Variants in FAR2 observed in about 807,000 individuals in gnomAD.
FAR2 encodes the protein epididymis secretory protein Li 81.
Under a neutral mutation model 56.0 loss-of-function variants are expected in FAR2, and 19 were observed. That is an observed-to-expected ratio of 0.34 (90% CI 0.24 to 0.50). The LOEUF (loss-of-function observed/expected upper bound fraction) is 0.50, where lower values mean the gene tolerates loss of function less well. FAR2 is among the 20% of genes least tolerant of loss of function. The probability of loss-of-function intolerance (pLI) is 0.98; values close to 1 mark genes in which losing one functional copy is unlikely to be tolerated. For synonymous variants in FAR2, 219 were observed against 218.8 expected (o/e 1.00, Z -0.01); for missense variants, 508 against 642.2 (o/e 0.79, Z 2.26).
rs55827253 is a variant in FAR2 at position 29,174,423 on chromosome 12, C to CTTTTT, written c.-39+25041_-39+25045dup. On this transcript the variant is annotated intron_variant, in intron 1 of 11. Coordinates refer to ENST00000536681, the MANE Select transcript of FAR2 (RefSeq NM_001271783.2). ...CCAGAGACAGGGAGTGGTTTTTATT[C>CTTTTT]TTTTTTTTTTTTTTTTTTTTTTTTT... Among the ~76,000 whole-genome samples, 112 of 55,436 alleles carry CTTTTT rather than the reference C, an allele frequency of 2.0e-3. 9 individuals carry two copies. Among genetic ancestry groups the CTTTTT allele is most frequent in the African/African-American group, 2.2e-3 (27 of 12,206 alleles). The allele number at this position is 55,436 out of a possible 152,430, so 36.4% of individuals were successfully genotyped here. A position where few individuals can be genotyped will look rare whatever the true frequency, so the allele number is the denominator to read the frequency against.
intron 1 of FAR2, among the ~76,000 whole-genome samples, chr12:29,156,015 T>TA: frequency 6.6e-6 from 1 of 152,176 alleles, no homozygotes; most frequent in East Asian, 1.9e-4. Context: ...AGGTGGAATC[T>TA]AAACATATTG....
chr12:29,238,389 A>C (rs183244076), intron 1 of FAR2, among the ~76,000 whole-genome samples: 269 of 152,252 alleles, frequency 1.8e-3, no homozygotes, highest in African/African-American at 6.1e-3. Flanking sequence ...CTCTGTATAT[A>C]TGTATTTTAT....
chr12:29,279,053 A>C (rs937504763), intron 2 of FAR2, among the ~76,000 whole-genome samples: 8 of 152,220 alleles, frequency 5.3e-5, no homozygotes, highest in Non-Finnish European at 7.3e-5. Flanking sequence ...CATAGAGGGA[A>C]ATTCTACTTT....
chr12:29,309,058 AT>A, intron 5 of FAR2, 127 bp from the exon 6 acceptor site: 1 of 726,540 alleles, frequency 1.4e-6, no homozygotes, highest in South Asian at 1.5e-5. Flanking sequence ...ATAATACTGA[AT>A]TAGATAGTTC....
At chr12:29,269,060 T>C (rs1948568662) in intron 1 of FAR2, among the ~76,000 whole-genome samples, 1 of 152,182 alleles carries the variant, frequency 6.6e-6, no homozygotes, top group Admixed American at 6.5e-5. Flanking sequence ...TGATAACATC[T>C]TATCAGGAGA....
chr12:29,262,828 GCT>G (rs1327478688), intron 1 of FAR2, among the ~76,000 whole-genome samples: 1 of 152,124 alleles, frequency 6.6e-6, no homozygotes, highest in African/African-American at 2.4e-5. Flanking sequence ...AATGGACTAT[GCT>G]CTCTAATCAA....
intron 2 of FAR2, among the ~76,000 whole-genome samples, chr12:29,276,931 G>A (rs1175232206): frequency 6.6e-6 from 1 of 150,784 alleles, no homozygotes; most frequent in East Asian, 1.9e-4. Flanking sequence ...GCAACAGAGT[G>A]AAACTCTGTC....
At chr12:29,290,291 C>G (rs544389162) in intron 2 of FAR2, among the ~76,000 whole-genome samples, 219 of 152,034 alleles carry the variant, frequency 1.4e-3, no homozygotes, top group African/African-American at 4.9e-3. Flanking sequence ...ACTAAAAATA[C>G]AAAAATTGGC....
intron 1 of FAR2, among the ~76,000 whole-genome samples, chr12:29,174,324 G>A (rs868114775): frequency 1.4e-4 from 21 of 151,792 alleles, no homozygotes; most frequent in Middle Eastern, 3.4e-3. Flanking sequence ...TGATGAGCCC[G>A]GGTGCCTAAA....
chr12:29,313,320 T>C (rs1949384623), intron 8 of FAR2, among the ~76,000 whole-genome samples: 1 of 152,172 alleles, frequency 6.6e-6, no homozygotes, highest in African/African-American at 2.4e-5. Flanking sequence ...ATGCCACATA[T>C]GTTTTAATAA....
intron 1 of FAR2, among the ~76,000 whole-genome samples, chr12:29,244,780 A>G (rs1948098264): frequency 6.6e-6 from 1 of 152,194 alleles, no homozygotes; most frequent in African/African-American, 2.4e-5. Context: ...TCATTCAATT[A>G]CACTATCTAG....
chr12:29,200,035 G>T (rs1018531442), intron 1 of FAR2, among the ~76,000 whole-genome samples: 5 of 152,150 alleles, frequency 3.3e-5, no homozygotes, highest in African/African-American at 9.7e-5. Flanking sequence ...AGTCATCATA[G>T]TTGAAGCTCT....
chr12:29,174,224 G>A (rs969758230), intron 1 of FAR2, among the ~76,000 whole-genome samples: 1 of 152,076 alleles, frequency 6.6e-6, no homozygotes, highest in African/African-American at 2.4e-5. Flanking sequence ...AGGCCTGCTA[G>A]TCTGAGGAGG....
Position 29,333,704 on chromosome 12 carries a change from TCA to T in FAR2, c.1459_1460del (p.Gln487AspfsTer15). On this transcript the variant is annotated frameshift_variant, in exon 12 of 12. Coordinates refer to ENST00000536681, the MANE Select transcript of FAR2 (RefSeq NM_001271783.2). LOFTEE classifies it high-confidence loss of function. ...IAWRLLIARS[Q>X]MARNVWFFIV... ...CCTGGCGCCTTCTCATTGCAAGATC[TCA>T]GATGGCTCGGAATGTCTGGTTCTTC... is the stretch of plus-strand genomic sequence containing the variant. 1 of 1,613,896 alleles carries T rather than the reference TCA, an allele frequency of 6.2e-7. No individual in the cohort carries two copies. The highest frequency in any genetic ancestry group is 1.1e-5 in the South Asian group (1 of 91,076).
At chr12:29,330,654 A>G (rs887238008) in intron 10 of FAR2, among the ~76,000 whole-genome samples, 2 of 152,202 alleles carry the variant, frequency 1.3e-5, no homozygotes, top group Admixed American at 6.5e-5. Context: ...TAGAAGTGTA[A>G]TATTTCCTGA....
intron 1 of FAR2, among the ~76,000 whole-genome samples, chr12:29,261,812 A>G (rs1294004956): frequency 1.3e-5 from 2 of 152,232 alleles, no homozygotes; most frequent in Non-Finnish European, 2.9e-5. Flanking sequence ...AGAATAGAAT[A>G]TCTGGCAAAA....
chr12:29,192,817 A>G (rs1950113681), intron 1 of FAR2, among the ~76,000 whole-genome samples: 1 of 152,214 alleles, frequency 6.6e-6, no homozygotes, highest in Non-Finnish European at 1.5e-5. Flanking sequence ...CAGTTCATGA[A>G]GCACAGGAGT....
At chr12:29,179,335 T>C (rs1949970401) in intron 1 of FAR2, among the ~76,000 whole-genome samples, 1 of 152,240 alleles carries the variant, frequency 6.6e-6, no homozygotes, top group South Asian at 2.1e-4. Flanking sequence ...GACACTTATA[T>C]GTAGCAGGCT....
At chr12:29,308,578 T>TG (rs61215735) in intron 5 of FAR2, among the ~76,000 whole-genome samples, 95,203 of 151,280 alleles carry the variant, frequency 0.63, 31,216 homozygotes, top group African/African-American at 0.82. Flanking sequence ...TAAGGTCAGC[T>TG]GAATGGCTTA....
Sources: gnomAD v4.1 joint callset for allele counts (sites outside exome capture counted in the v4.1 genomes callset) on GRCh38, gnomAD v4.1.1 for gene constraint, MANE v1.5 for transcripts, NCBI Gene and HGNC (gene_info 2026-07-23, HGNC 2026-07-21) for gene names.